Variants in SNX29 observed in about 807,000 individuals in gnomAD.
The protein encoded by SNX29 is sorting nexin-29.
In SNX29, 78 loss-of-function variants were observed where a neutral mutation model predicts 102.1. The observed-to-expected ratio is 0.76, with a 90% CI of 0.64 to 0.92. SNX29 has a LOEUF of 0.92. Among genes scored for constraint, SNX29 ranks in the 40% least tolerant of loss-of-function variants. The probability of loss-of-function intolerance (pLI) is 0.00; values close to 1 mark genes in which losing one functional copy is unlikely to be tolerated. For missense variants in SNX29, 1,280 were observed against 1,061.7 expected (o/e 1.21, Z -2.86); for synonymous variants, 580 against 414.5 (o/e 1.40, Z -4.85).
In SNX29 at chr16:12,534,617, C is replaced by G. The variant is rs553370267; in HGVS notation, c.2318+9776C>G. Among the ~76,000 whole-genome samples, 5 of 152,296 alleles carry G rather than the reference C, an allele frequency of 3.3e-5. No individual in the cohort carries two copies. The East Asian group carries it at 7.7e-4, about 24-fold the overall frequency. ...ATTGTCACCTGTTAAATTCAAAAAG[C>G]AAATTCCATTCATGGGTAAAATTCA... On this transcript the variant is annotated intron_variant, in intron 20 of 20. Coordinates refer to ENST00000566228, the MANE Select transcript of SNX29 (RefSeq NM_032167.5).
chr16:12,092,441 G>A (rs2052595868), intron 11 of SNX29, among the ~76,000 whole-genome samples: 1 of 152,304 alleles, frequency 6.6e-6, no homozygotes, highest in African/African-American at 2.4e-5. Flanking sequence ...TCTCTATCTC[G>A]GGATGCAGTA....
At chr16:12,085,182 G>A (rs1405618549) in intron 11 of SNX29, among the ~76,000 whole-genome samples, 2 of 152,062 alleles carry the variant, frequency 1.3e-5, no homozygotes, top group East Asian at 3.8e-4. Flanking sequence ...TTGCTTTTCT[G>A]CCTCCTCTTC....
At chr16:12,073,082 A>G (rs1430147990) in intron 10 of SNX29, among the ~76,000 whole-genome samples, 7 of 151,872 alleles carry the variant, frequency 4.6e-5, no homozygotes, top group South Asian at 4.1e-4. Context: ...AGTCTTGCTA[A>G]CGGTCTATCA....
Position 12,570,475 on chromosome 16 carries a change from A to T in SNX29, c.*1846A>T, listed in dbSNP as rs548467799. ...GAGGCAGGAAACGTCTAAAAGCTCA[A>T]TCTGCTGTATGTCATGACCCCTTAG... On this transcript the variant is annotated 3_prime_UTR_variant, in exon 21 of 21. Coordinates refer to ENST00000566228, the MANE Select transcript of SNX29 (RefSeq NM_032167.5). 2 of 233,850 alleles carry T rather than the reference A, an allele frequency of 8.6e-6. No individual in the cohort carries two copies. Among genetic ancestry groups the T allele is most frequent in the Non-Finnish European group, 1.7e-5 (2 of 118,736 alleles). The allele number at this position is 233,850 out of a possible 1,614,324, so 14.5% of individuals were successfully genotyped here.
chr16:12,463,189 T>C (rs777875014), intron 18 of SNX29, among the ~76,000 whole-genome samples: 26 of 152,224 alleles, frequency 1.7e-4, no homozygotes, highest in Non-Finnish European at 3.4e-4. Context: ...GGAGGCACTT[T>C]CTCTGCATTG....
intron 18 of SNX29, among the ~76,000 whole-genome samples, chr16:12,460,879 G>A (rs920769037): frequency 1.3e-5 from 2 of 152,046 alleles, no homozygotes; most frequent in Non-Finnish European, 2.9e-5. Flanking sequence ...GGCTGGTCTC[G>A]AACGCCTGAC....
In SNX29 at chr16:12,571,665, G is replaced by A. The variant is rs995801242; in HGVS notation, c.*3036G>A. On this transcript the variant is annotated 3_prime_UTR_variant, in exon 21 of 21. Transcript: ENST00000566228. ...TGAAAGACGACTCAGGAACGGTAGG[G>A]CTGGGCAGAGGTGTCTCTCCTTGAG... The A allele has an allele frequency of 5.7e-6, 6 of 1,059,204 alleles. No individual in the cohort carries two copies. The African/African-American group carries it at 8.2e-5, about 15-fold the overall frequency. 65.6% of individuals were successfully genotyped at this position (1,059,204 alleles called of 1,614,324 possible). A position where few individuals can be genotyped will look rare whatever the true frequency, so the allele number is the denominator to read the frequency against.
intron 3 of SNX29, among the ~76,000 whole-genome samples, chr16:12,013,784 A>G (rs921283930): frequency 6.6e-6 from 1 of 150,706 alleles, no homozygotes; most frequent in African/African-American, 2.4e-5. Flanking sequence ...AGCTGGGATT[A>G]CAGGTACATG....
Position 11,992,251 on chromosome 16 carries a change from G to T in SNX29, c.8-7046G>T, listed in dbSNP as rs756254918. On this transcript the variant is annotated intron_variant, in intron 1 of 20. Coordinates refer to ENST00000566228, the MANE Select transcript of SNX29 (RefSeq NM_032167.5). ...GGAGGCTGCAGTGAGCTATGATCATGCCACTGTACTTCAGCCTGGTTGACA... is the reference window on the plus strand; with the variant it reads ...GGAGGCTGCAGTGAGCTATGATCATTCCACTGTACTTCAGCCTGGTTGACA... Among the ~76,000 whole-genome samples the T allele has an allele frequency of 3.0e-4, 46 of 152,082 alleles. 1 individual carries two copies. The highest frequency in any genetic ancestry group is 2.3e-3 in the Admixed American group (35 of 15,242).
rs1259242826 is a variant in SNX29, at chr16:12,154,917, TATC to T, written c.1595+25166_1595+25168del. On this transcript the variant is annotated intron_variant, in intron 13 of 20. Transcript: ENST00000566228. ...CTCTTTAAAATGCCGCACCTCCTAATATCATCATCTTGGAGGTTAGCATTTCAG... is the reference window on the plus strand; with the variant it reads ...CTCTTTAAAATGCCGCACCTCCTAATATCATCTTGGAGGTTAGCATTTCAG... Among the ~76,000 whole-genome samples, 7 of 152,310 alleles carry T rather than the reference TATC, an allele frequency of 4.6e-5. No homozygotes were observed. In the South Asian group the frequency reaches 1.0e-3, roughly 23 times the overall value.
chr16:12,324,747 T>C (rs974608371), intron 15 of SNX29, among the ~76,000 whole-genome samples: 3 of 152,072 alleles, frequency 2.0e-5, no homozygotes, highest in Admixed American at 6.5e-5. Context: ...AACAGTGCCA[T>C]GAACACAGCT....
At chr16:12,063,088 T>C (rs2050847676) in intron 9 of SNX29, among the ~76,000 whole-genome samples, 1 of 152,282 alleles carries the variant, frequency 6.6e-6, no homozygotes, top group Non-Finnish European at 1.5e-5. Flanking sequence ...GATGAACTCA[T>C]CTGCTCTTGA....
At chr16:12,530,556 T>G (rs2076904412) in intron 20 of SNX29, among the ~76,000 whole-genome samples, 1 of 151,992 alleles carries the variant, frequency 6.6e-6, no homozygotes, top group African/African-American at 2.4e-5. Context: ...TTTTTTTTGT[T>G]TTTTGTTTTT....
At chr16:12,537,480 T>TTGGTGA (rs1176899050) in intron 20 of SNX29, among the ~76,000 whole-genome samples, 2 of 117,542 alleles carry the variant, frequency 1.7e-5, no homozygotes, top group African/African-American at 5.5e-5. Flanking sequence ...ATCTATAAAA[T>TTGGTGA]TGGTGATAGT....
At chr16:12,537,394 C>G (rs958754629) in intron 20 of SNX29, among the ~76,000 whole-genome samples, 1 of 152,218 alleles carries the variant, frequency 6.6e-6, no homozygotes, top group Non-Finnish European at 1.5e-5. Flanking sequence ...AGACTTTGAG[C>G]CAAACAGACC....
chr16:12,363,218 T>C (rs996883498), intron 16 of SNX29, among the ~76,000 whole-genome samples: 5 of 152,214 alleles, frequency 3.3e-5, no homozygotes, highest in Non-Finnish European at 7.3e-5. Flanking sequence ...GCTTTGGTCG[T>C]CATCTCAGAG....
In SNX29 at chr16:12,195,857, C is replaced by T. The variant is rs375130562; in HGVS notation, c.1596-3744C>T. On this transcript the variant is annotated intron_variant, in intron 13 of 20. Transcript: ENST00000566228. ...ATGTGTTGCTGGTGGTCTAATGAGA[C>T]ACCAAGTGTGTGGCAGAGAGGAGAG... Among the ~76,000 whole-genome samples the T allele has an allele frequency of 1.6e-4, 24 of 152,192 alleles. 1 individual carries two copies. The East Asian group carries it at 3.7e-3, about 23-fold the overall frequency.
chr16:12,340,199 T>G (rs567952948), intron 15 of SNX29, among the ~76,000 whole-genome samples: 10 of 152,228 alleles, frequency 6.6e-5, no homozygotes, highest in Non-Finnish European at 1.3e-4. Flanking sequence ...CTTCTTCTCC[T>G]TCCCTGGAGA....
At chr16:12,266,298 T>G (rs953147146) in intron 14 of SNX29, among the ~76,000 whole-genome samples, 2 of 152,140 alleles carry the variant, frequency 1.3e-5, no homozygotes, top group Admixed American at 1.3e-4. Flanking sequence ...TGGGGGTTTC[T>G]TCCACACTAG....
Sources: gnomAD v4.1 joint callset for allele counts (sites outside exome capture counted in the v4.1 genomes callset) on GRCh38, gnomAD v4.1.1 for gene constraint, MANE v1.5 for transcripts, NCBI Gene and HGNC (gene_info 2026-07-23, HGNC 2026-07-21) for gene names.